Variants in TMEM191C observed in about 807,000 individuals in gnomAD.
TMEM191C encodes the protein transmembrane protein 191C, also known as KB-1323B2.6.
In TMEM191C, 26 loss-of-function variants were observed where a neutral mutation model predicts 37.1. The observed-to-expected ratio is 0.70, with a 90% confidence interval of 0.51 to 0.97. TMEM191C has a LOEUF of 0.97. Ranked by LOEUF, TMEM191C falls within the 50% of genes least tolerant of loss-of-function variation. The pLI, the probability that TMEM191C is intolerant of heterozygous loss-of-function variation, is 0.00. For synonymous variants in TMEM191C, 115 were observed against 143.7 expected, an observed-to-expected ratio of 0.80 and a Z score of 1.43; for missense variants, 240 against 294.7, an observed-to-expected ratio of 0.81 and a Z score of 1.36.
Position 21,468,157 on chromosome 22 carries a change from G to C in TMEM191C, c.285G>C (p.Gln95His), listed in dbSNP as rs1478114741. The C allele has an allele frequency of 9.1e-5, 137 of 1,512,556 alleles. No individual in the cohort carries two copies. The highest frequency in any genetic ancestry group is 1.2e-4 in the Non-Finnish European group (131 of 1,138,408). The allele number at this position is 1,512,556 out of a possible 1,614,324, so 93.7% of individuals were successfully genotyped here. A position where few individuals can be genotyped will look rare whatever the true frequency, so the allele number is the denominator to read the frequency against. ...EAERHKEYLE[Q>H]HSRQLQEQWE... is the part of the protein sequence containing the mutation. ...CCCCAGGACCCCGTCCGCAGGAGCA[G>C]CACAGCAGGCAGCTGCAGGAGCAGT... The change falls in exon 3 of 10, where the codon CAG (glutamine) becomes CAC (histidine). Residue 95 changes from glutamine (Q) to histidine (H), a missense_variant. Gln to His is a conservative substitution (Grantham distance 24, BLOSUM62 0). Coordinates refer to ENST00000536718, the MANE Select transcript of TMEM191C (RefSeq NM_001388354.1).
At position 21,469,812 on chromosome 22, in the gene TMEM191C, G is replaced by A. The variant is rs569895599; in HGVS notation, c.900G>A (p.Leu300=). ...PLLELRANGL[L]PT ...TGGAGCTGCGCGCTAACGGGCTTCT[G>A]CCAACCTAAGTGCAGCGCCCCGCGC... The change falls in exon 10 of 10, where the codon CTG becomes CTA. Residue 300 remains leucine, a synonymous_variant. Coordinates refer to ENST00000536718, the MANE Select transcript of TMEM191C (RefSeq NM_001388354.1). The A allele has an allele frequency of 1.5e-5, 23 of 1,532,446 alleles. No individual in the cohort carries two copies. In the South Asian group the frequency reaches 2.7e-4, roughly 18 times the overall value. 94.9% of individuals were successfully genotyped at this position (1,532,446 alleles called of 1,614,324 possible).
Position 21,469,729 on chromosome 22 carries a change from T to C in TMEM191C, c.817T>C (p.Trp273Arg). The C allele has an allele frequency of 6.5e-7, 1 of 1,528,978 alleles. No individual in the cohort carries two copies. Among genetic ancestry groups the C allele is most frequent in the Non-Finnish European group, 8.7e-7 (1 of 1,145,012 alleles). 94.7% of individuals were successfully genotyped at this position (1,528,978 alleles called of 1,614,324 possible). ...CCCCGGCGCCGTCTCCGCGTGGCTC[T>C]GGAGCCTCACCTCGGAGACGACGCT... Reference protein sequence around the residue: ...LDPGAVSAWLWSLTSETTLRR... With the variant: ...LDPGAVSAWLRSLTSETTLRR... The change falls in exon 10 of 10, where the codon TGG becomes CGG. Residue 273 changes from tryptophan (W) to arginine (R), a missense_variant. Around this residue, in one of 3 missense-constraint regions of TMEM191C, gnomAD observed 76 missense variants for 100.0 expected, o/e 0.76. Transcript: ENST00000536718.
Position 21,468,133 on chromosome 22 carries a change from C to T in TMEM191C, c.280-19C>T. On this transcript the variant is annotated intron_variant, in intron 2 of 9. Coordinates refer to ENST00000536718, the MANE Select transcript of TMEM191C (RefSeq NM_001388354.1). Reference sequence around the variant, plus strand: ...GGACCGGCGGAGAGGTCGGCACCGCCCCAGGACCCCGTCCGCAGGAGCAGC... The same window carrying T: ...GGACCGGCGGAGAGGTCGGCACCGCTCCAGGACCCCGTCCGCAGGAGCAGC... 6.7e-7 allele frequency: 1 copy of T among 1,495,690 alleles called. No individual in the cohort carries two copies. Among genetic ancestry groups the T allele is most frequent in the Non-Finnish European group, 8.9e-7 (1 of 1,126,890 alleles). 92.7% of individuals were successfully genotyped at this position (1,495,690 alleles called of 1,614,324 possible). A position where few individuals can be genotyped will look rare whatever the true frequency, so the allele number is the denominator to read the frequency against.
Position 21,468,201 on chromosome 22 carries a change from A to G in TMEM191C, c.329A>G (p.Gln110Arg). The change falls in exon 3 of 10, where the codon CAG becomes CGG. Residue 110 changes from glutamine (Q) to arginine (R), a missense_variant and splice_region_variant. Physicochemically the swap from Gln to Arg is conservative, Grantham distance 43. Transcript: ENST00000536718. ...LQEQWEELSS[Q>R]LFYYGGELQS... ...GAGCAGTGGGAGGAGCTGTCGAGTC[A>G]GGTACGTGCAGGAGATGGGAGGGCC... is the stretch of plus-strand genomic sequence containing the variant. 6.6e-7 allele frequency: 1 copy of G among 1,526,182 alleles called. No homozygotes were observed. The highest frequency in any genetic ancestry group is 2.5e-5 in the East Asian group (1 of 40,522). 94.5% of individuals were successfully genotyped at this position (1,526,182 alleles called of 1,614,324 possible).
Position 21,468,400 on chromosome 22 carries a change from A to G in TMEM191C, c.377A>G (p.Gln126Arg), listed in dbSNP as rs1331655370. ...CTGCAGAGCCAGAAGAGCACGGAGC[A>G]GCAACTCGCAGCCCAATTGGTGACG... is the stretch of plus-strand genomic sequence containing the variant. Reference protein sequence around the residue: ...GELQSQKSTEQQLAAQLVTLQ... With the variant: ...GELQSQKSTERQLAAQLVTLQ... The change falls in exon 4 of 10, where the codon CAG becomes CGG. Residue 126 changes from glutamine to arginine, a missense_variant. This residue lies in a region of TMEM191C where 34 missense variants were observed against 89.0 expected (regional missense o/e 0.38). Coordinates refer to ENST00000536718, the MANE Select transcript of TMEM191C (RefSeq NM_001388354.1). The G allele has an allele frequency of 1.3e-6, 2 of 1,533,848 alleles. No homozygotes were observed. The highest frequency in any genetic ancestry group is 1.7e-6 in the Non-Finnish European group (2 of 1,146,454).
Position 21,469,835 on chromosome 22 carries a change from C to G in TMEM191C, c.*14C>G, listed in dbSNP as rs1174417466. 1 of 1,530,488 alleles carries G rather than the reference C, an allele frequency of 6.5e-7. No individual in the cohort carries two copies. Among genetic ancestry groups the G allele is most frequent in the South Asian group, 1.2e-5 (1 of 83,894 alleles). 94.8% of individuals were successfully genotyped at this position (1,530,488 alleles called of 1,614,324 possible). A position where few individuals can be genotyped will look rare whatever the true frequency, so the allele number is the denominator to read the frequency against. ...CTGCCAACCTAAGTGCAGCGCCCCG[C>G]GCCTGGCTCCAGGTGGACTCCAGGG... On this transcript the variant is annotated 3_prime_UTR_variant, in exon 10 of 10. Coordinates refer to ENST00000536718, the MANE Select transcript of TMEM191C (RefSeq NM_001388354.1).
At chr22:21,468,685 CT>C (rs1203097729) in intron 4 of TMEM191C, 93 bp from the exon 5 acceptor site, 2 of 894,840 alleles carry the variant, frequency 2.2e-6, no homozygotes, top group African/African-American at 3.6e-5. Flanking sequence ...TCATGATCGC[CT>C]GGGGGCGGGC....
chr22:21,468,268 C>A, intron 3 of TMEM191C, 66 bp downstream of exon 3: 1 of 1,534,228 alleles, frequency 6.5e-7, no homozygotes, highest in Non-Finnish European at 8.7e-7. Flanking sequence ...TTGTCCTCGC[C>A]CTTGTTGCCT....
Position 21,467,979 on chromosome 22 carries a change from A to G in TMEM191C, c.241A>G (p.Arg81Gly), listed in dbSNP as rs1924585537. 3.8e-6 allele frequency: 2 copies of G among 528,146 alleles called. No homozygotes were observed. Among genetic ancestry groups the G allele is most frequent in the Non-Finnish European group, 6.6e-6 (2 of 302,520 alleles). The allele number at this position is 528,146 out of a possible 1,614,324, so 32.7% of individuals were successfully genotyped here. The change falls in exon 2 of 10, where the codon AGA becomes GGA. Residue 81 changes from arginine to glycine, a missense_variant. Physicochemically the swap from Arg to Gly is moderately radical, Grantham distance 125 (BLOSUM62 -2). Around this residue, in one of 3 missense-constraint regions of TMEM191C, gnomAD observed 130 missense variants for 105.7 expected, o/e 1.23. Transcript: ENST00000536718. The part of the protein sequence containing the change: ...AARERAERVR[R>G]RLEEAERHKE... Reference sequence around the variant, plus strand: ...GCGGGAGCGCGCGGAGCGGGTGCGCAGAAGACTGGAGGAGGCGGAGCGCCA... The same window carrying G: ...GCGGGAGCGCGCGGAGCGGGTGCGCGGAAGACTGGAGGAGGCGGAGCGCCA...
At position 21,469,267 on chromosome 22, in the gene TMEM191C, C is replaced by T. The variant is rs1490546457; in HGVS notation, c.591-7C>T. ...ATGGGCTCCCACCTGCATGCCTGTC[C>T]CCGCAGGTGTGACGGGCAGCTTCGC... On this transcript the variant is annotated splice_polypyrimidine_tract_variant and splice_region_variant and intron_variant, in intron 7 of 9. Transcript: ENST00000536718. 2 of 1,480,472 alleles carry T rather than the reference C, an allele frequency of 1.4e-6. No individual in the cohort carries two copies. Among genetic ancestry groups the T allele is most frequent in the East Asian group, 2.5e-5 (1 of 40,174 alleles). 91.7% of individuals were successfully genotyped at this position (1,480,472 alleles called of 1,614,324 possible).
In TMEM191C at chr22:21,469,724, G is replaced by A. The variant is rs1181848205; in HGVS notation, c.812G>A (p.Trp271Ter). The change falls in exon 10 of 10, where the codon TGG (tryptophan) becomes TAG (stop). Residue 271 changes from tryptophan (W) to a stop codon, truncating the protein, a stop_gained. Transcript: ENST00000536718. LOFTEE classifies it high-confidence loss of function. ...VLLDPGAVSA[W>*]LWSLTSETTL... ...TTGGACCCCGGCGCCGTCTCCGCGTGGCTCTGGAGCCTCACCTCGGAGACG... is the reference window on the plus strand; with the variant it reads ...TTGGACCCCGGCGCCGTCTCCGCGTAGCTCTGGAGCCTCACCTCGGAGACG... 4.5e-5 allele frequency: 69 copies of A among 1,527,846 alleles called. No individual in the cohort carries two copies. Among genetic ancestry groups the A allele is most frequent in the Non-Finnish European group, 5.2e-5 (59 of 1,144,384 alleles). 94.6% of individuals were successfully genotyped at this position (1,527,846 alleles called of 1,614,324 possible).
chr22:21,468,144 G>A lies in TMEM191C; in HGVS notation c.280-8G>A. 6 of 1,506,620 alleles carry A rather than the reference G, an allele frequency of 4.0e-6. No homozygotes were observed. The highest frequency in any genetic ancestry group is 2.4e-5 in the South Asian group (2 of 82,942). The allele number at this position is 1,506,620 out of a possible 1,614,324, so 93.3% of individuals were successfully genotyped here. On this transcript the variant is annotated splice_polypyrimidine_tract_variant and splice_region_variant and intron_variant, in intron 2 of 9. Coordinates refer to ENST00000536718, the MANE Select transcript of TMEM191C (RefSeq NM_001388354.1). ...GAGGTCGGCACCGCCCCAGGACCCC[G>A]TCCGCAGGAGCAGCACAGCAGGCAG...
Position 21,469,725 on chromosome 22 carries a change from G to T in TMEM191C, c.813G>T (p.Trp271Cys), listed in dbSNP as rs1286535072. Residue 271 changes from tryptophan to cysteine, a missense_variant, in exon 10 of 10, where the codon TGG (tryptophan) becomes TGT (cysteine). Transcript: ENST00000536718. Reference sequence around the variant, plus strand: ...TGGACCCCGGCGCCGTCTCCGCGTGGCTCTGGAGCCTCACCTCGGAGACGA... The same window carrying T: ...TGGACCCCGGCGCCGTCTCCGCGTGTCTCTGGAGCCTCACCTCGGAGACGA... ...VLLDPGAVSA[W>C]LWSLTSETTL... 3.5e-5 allele frequency: 53 copies of T among 1,528,536 alleles called. No individual in the cohort carries two copies. The highest frequency in any genetic ancestry group is 4.5e-5 in the Non-Finnish European group (52 of 1,144,750). The allele number at this position is 1,528,536 out of a possible 1,614,324, so 94.7% of individuals were successfully genotyped here.
At chr22:21,468,129 C>T (rs1220046435) in intron 2 of TMEM191C, 23 bp from the exon 3 acceptor site, 2 of 1,489,512 alleles carry the variant, frequency 1.3e-6, no homozygotes, top group Admixed American at 2.1e-5. Flanking sequence ...GAGGTCGGCA[C>T]CGCCCCAGGA....
chr22:21,469,590 C>T (rs372383077), intron 9 of TMEM191C, 27 bp from the exon 10 acceptor site: 2 of 1,475,386 alleles, frequency 1.4e-6, no homozygotes, highest in Non-Finnish European at 1.8e-6. Flanking sequence ...CGAGTTGCCG[C>T]CCACCTGCCC....
rs1924613798 is a variant in TMEM191C, at chr22:21,468,444, G to A, written c.408+13G>A. The A allele has an allele frequency of 5.5e-6, 8 of 1,467,234 alleles. No individual in the cohort carries two copies. Among genetic ancestry groups the A allele is most frequent in the Non-Finnish European group, 6.4e-6 (7 of 1,096,212 alleles). 90.9% of individuals were successfully genotyped at this position (1,467,234 alleles called of 1,614,324 possible). A position where few individuals can be genotyped will look rare whatever the true frequency, so the allele number is the denominator to read the frequency against. Reference sequence around the variant, plus strand: ...GGTGACGCTGCAGGTGCTTGAGCGGGACCCTGAGGTGTTTAGTAGGGGCGG... The same window carrying A: ...GGTGACGCTGCAGGTGCTTGAGCGGAACCCTGAGGTGTTTAGTAGGGGCGG... On this transcript the variant is annotated intron_variant, in intron 4 of 9. Coordinates refer to ENST00000536718, the MANE Select transcript of TMEM191C (RefSeq NM_001388354.1).
intron 1 of TMEM191C, 122 bp downstream of exon 1, chr22:21,467,736 C>T: frequency 2.0e-6 from 1 of 500,942 alleles, no homozygotes. Flanking sequence ...GCTCTAGGCC[C>T]TTGGGAACGG....
intron 4 of TMEM191C, 66 bp from the exon 5 acceptor site, chr22:21,468,713 G>T: frequency 1.7e-6 from 1 of 597,070 alleles, no homozygotes; most frequent in Non-Finnish European, 2.9e-6. Context: ...GGCCGGGGGC[G>T]GGGCCCGGAG....
rs1041026261 is a variant in TMEM191C at position 21,469,692 on chromosome 22, G to A, written c.780G>A (p.Thr260=). ...TCCTGGGGCTGTCGCTGCTCTGGAC[G>A]GTGCTGTTGGACCCCGGCGCCGTCT... ...LLFLGLSLLW[T]VLLDPGAVSA... Residue 260 remains threonine (T), a synonymous_variant, in exon 10 of 10, where the codon ACG becomes ACA. Coordinates refer to ENST00000536718, the MANE Select transcript of TMEM191C (RefSeq NM_001388354.1). 10 of 1,526,124 alleles carry A rather than the reference G, an allele frequency of 6.6e-6. No individual in the cohort carries two copies. Among genetic ancestry groups the A allele is most frequent in the Admixed American group, 6.0e-5 (3 of 50,320 alleles). The allele number at this position is 1,526,124 out of a possible 1,614,324, so 94.5% of individuals were successfully genotyped here.
Sources: gnomAD v4.1 joint callset for allele counts on GRCh38, gnomAD v4.1.1 for gene constraint, gnomAD v4.1.1 regional missense constraint, MANE v1.5 for transcripts, NCBI Gene and HGNC (gene_info 2026-07-23, HGNC 2026-07-21) for gene names.